Variants in GPC5 observed in about 807,000 individuals in gnomAD.
The protein encoded by GPC5 is glypican 5.
In GPC5, 47 loss-of-function variants were observed where a neutral mutation model predicts 53.9. The observed-to-expected ratio is 0.87, with a 90% CI of 0.69 to 1.11. The LOEUF is 1.11. GPC5 is among the 50% of genes most tolerant of loss of function. The pLI is 0.00. For missense variants in GPC5, 748 were observed against 713.1 expected (o/e 1.05, Z -0.56); for synonymous variants, 286 against 263.3 (o/e 1.09, Z -0.84).
rs560131941 is a variant in GPC5, at chr13:92,527,788, T to G, written c.1562-338494T>G. ...TTAAATACTAAATTTTTCTTAACTTTGATTCATTAGGTTTAGATTAGTTTC... is the reference window on the plus strand; with the variant it reads ...TTAAATACTAAATTTTTCTTAACTTGGATTCATTAGGTTTAGATTAGTTTC... On this transcript the variant is annotated intron_variant, in intron 7 of 7. Coordinates refer to ENST00000377067, the MANE Select transcript of GPC5 (RefSeq NM_004466.6). Among the ~76,000 whole-genome samples the G allele has an allele frequency of 5.9e-5, 9 of 152,264 alleles. No individual in the cohort carries two copies. The South Asian group carries it at 6.2e-4, about 11-fold the overall frequency.
chr13:92,626,918 CA>C (rs1885064569), intron 7 of GPC5, among the ~76,000 whole-genome samples: 1 of 152,080 alleles, frequency 6.6e-6, no homozygotes. Context: ...TTCATTATTT[CA>C]TATTTTGCCT....
chr13:91,638,405 G>A (rs542681902), intron 2 of GPC5, among the ~76,000 whole-genome samples: 46 of 149,360 alleles, frequency 3.1e-4, no homozygotes, highest in African/African-American at 1.1e-3. Flanking sequence ...TCACCATGAT[G>A]CCCAGGCTGG....
At chr13:92,057,463 G>A (rs1483744106) in intron 6 of GPC5, among the ~76,000 whole-genome samples, 1 of 152,056 alleles carries the variant, frequency 6.6e-6, no homozygotes, top group African/African-American at 2.4e-5. Context: ...TAAGTTCAGG[G>A]GTAACTTGTT....
At chr13:91,874,711 T>A (rs930234655) in intron 5 of GPC5, among the ~76,000 whole-genome samples, 21 of 152,106 alleles carry the variant, frequency 1.4e-4, no homozygotes, top group African/African-American at 4.8e-4. Flanking sequence ...CTGCCCAGGG[T>A]TTTGCTGAAA....
chr13:92,022,661 A>C (rs1342407645), intron 6 of GPC5, among the ~76,000 whole-genome samples: 1 of 152,018 alleles, frequency 6.6e-6, no homozygotes, highest in Admixed American at 6.6e-5. Context: ...TGCTTAGGTT[A>C]TATCTTTTAA....
chr13:92,074,937 G>A (rs781351572), intron 6 of GPC5, among the ~76,000 whole-genome samples: 1 of 151,922 alleles, frequency 6.6e-6, no homozygotes, highest in Non-Finnish European at 1.5e-5. Context: ...GCATCATATA[G>A]GATTAAATTT....
chr13:92,818,685 G>A (rs1034920250), intron 7 of GPC5, among the ~76,000 whole-genome samples: 8 of 151,964 alleles, frequency 5.3e-5, no homozygotes, highest in Non-Finnish European at 1.2e-4. Context: ...TTTCTTGGCT[G>A]TATTTTTGCA....
chr13:92,747,059 AGTAAAG>A (rs1008178346), intron 7 of GPC5, among the ~76,000 whole-genome samples: 8 of 152,316 alleles, frequency 5.3e-5, no homozygotes, highest in African/African-American at 1.9e-4. Context: ...GAAAAGGTAC[AGTAAAG>A]GTACAGTTAT....
At chr13:91,717,649 G>A (rs192906015) in intron 3 of GPC5, among the ~76,000 whole-genome samples, 51 of 151,940 alleles carry the variant, frequency 3.4e-4, no homozygotes, top group Non-Finnish European at 1.5e-4. Flanking sequence ...CTCCACCTCC[G>A]GGATTCAAGC....
chr13:92,708,657 T>A (rs905307308), intron 7 of GPC5, among the ~76,000 whole-genome samples: 1 of 151,804 alleles, frequency 6.6e-6, no homozygotes, highest in Non-Finnish European at 1.5e-5. Context: ...TTAGAAAAAG[T>A]TGTGGAGCAA....
At chr13:91,571,146 A>G (rs2031762193) in intron 2 of GPC5, among the ~76,000 whole-genome samples, 1 of 152,082 alleles carries the variant, frequency 6.6e-6, no homozygotes, top group African/African-American at 2.4e-5. Context: ...TCCTTCTTGT[A>G]TAGTAAGTCA....
chr13:91,471,859 A>C (rs1165475903), intron 2 of GPC5, among the ~76,000 whole-genome samples: 1 of 152,126 alleles, frequency 6.6e-6, no homozygotes, highest in East Asian at 1.9e-4. Context: ...TTGAACTAAA[A>C]AGTCTAGATA....
At chr13:92,739,492 T>G (rs1301169185) in intron 7 of GPC5, among the ~76,000 whole-genome samples, 1 of 152,066 alleles carries the variant, frequency 6.6e-6, no homozygotes, top group Non-Finnish European at 1.5e-5. Flanking sequence ...TGAACAAGCC[T>G]TTCTGCAAGC....
Position 91,398,959 on chromosome 13 carries a change from C to A in GPC5, c.-88C>A. On this transcript the variant is annotated 5_prime_UTR_variant, in exon 1 of 8. Transcript: ENST00000377067. ...GGCTCGCACCGCTCGAGAGCCTCGGCCGCTGTGTCTTCCACGTCTGCAGCT... is the reference window on the plus strand; with the variant it reads ...GGCTCGCACCGCTCGAGAGCCTCGGACGCTGTGTCTTCCACGTCTGCAGCT... The A allele has an allele frequency of 1.4e-6, 2 of 1,457,644 alleles. No individual in the cohort carries two copies. Among genetic ancestry groups the A allele is most frequent in the Non-Finnish European group, 1.8e-6 (2 of 1,095,860 alleles). 90.3% of individuals were successfully genotyped at this position (1,457,644 alleles called of 1,614,324 possible). A position where few individuals can be genotyped will look rare whatever the true frequency, so the allele number is the denominator to read the frequency against.
At chr13:92,480,804 T>A (rs1397785292) in intron 7 of GPC5, among the ~76,000 whole-genome samples, 1 of 152,190 alleles carries the variant, frequency 6.6e-6, no homozygotes, top group Non-Finnish European at 1.5e-5. Context: ...AATGAAGGGA[T>A]TAACCTGTCT....
chr13:91,592,398 C>A (rs944892517), intron 2 of GPC5, among the ~76,000 whole-genome samples: 2 of 152,132 alleles, frequency 1.3e-5, no homozygotes, highest in East Asian at 3.9e-4. Flanking sequence ...GAGCCCCCTG[C>A]AACCACTGGC....
At chr13:91,890,996 C>T (rs893163019) in intron 5 of GPC5, among the ~76,000 whole-genome samples, 6 of 152,124 alleles carry the variant, frequency 3.9e-5, no homozygotes, top group Non-Finnish European at 8.8e-5. Context: ...GGCCCATATA[C>T]CAGGTATGAA....
intron 7 of GPC5, among the ~76,000 whole-genome samples, chr13:92,422,570 T>C (rs908888195): frequency 6.6e-6 from 1 of 151,376 alleles, no homozygotes; most frequent in African/African-American, 2.4e-5. Flanking sequence ...ATTGTAGTCA[T>C]GACGAGAGGT....
At chr13:91,847,147 C>T (rs566012875) in intron 5 of GPC5, among the ~76,000 whole-genome samples, 1 of 140,406 alleles carries the variant, frequency 7.1e-6, no homozygotes, top group African/African-American at 2.6e-5. Flanking sequence ...TGAACCCAGG[C>T]GGCGGAGCTT....
Sources: allele counts gnomAD v4.1 joint callset (sites outside exome capture counted in the v4.1 genomes callset), GRCh38; gene constraint gnomAD v4.1.1; transcripts MANE v1.5; gene names NCBI Gene and HGNC (gene_info 2026-07-23, HGNC 2026-07-21).